RNF4: variants seen among roughly 807,000 people sequenced by gnomAD.
The protein encoded by RNF4 is E3 ubiquitin-protein ligase RNF4.
RNF4 carries 7 observed loss-of-function variants against 24.3 expected under a neutral mutation model. That is an observed-to-expected ratio of 0.29 (90% confidence interval 0.16 to 0.54). RNF4 has a LOEUF of 0.54. RNF4 is among the 20% of genes least tolerant of loss of function. RNF4 has a pLI of 0.95. For missense variants in RNF4, 209 were observed against 248.5 expected (o/e 0.84, Z 1.07); for synonymous variants, 83 against 84.3 (o/e 0.98, Z 0.09).
intron 1 of RNF4, among the ~76,000 whole-genome samples, chr4:2,484,374 C>CAGTCT (rs1026052813): frequency 2.6e-5 from 4 of 151,922 alleles, no homozygotes; most frequent in African/African-American, 4.8e-5. Flanking sequence ...AATTTGGTTC[C>CAGTCT]AGTCTAACAC....
rs1436130593 is a variant in RNF4 at position 2,511,956 on chromosome 4, A to G, written c.205A>G (p.Ile69Val). The change falls in exon 5 of 8, where the codon ATT becomes GTT. Residue 69 changes from isoleucine to valine, a missense_variant and splice_region_variant. Ile to Val is a conservative substitution (Grantham distance 29). Transcript: ENST00000314289. ...TTGTTTTTCTCCTTCTGTTTACAAG[A>G]TTGTTGACGGTGAGTGGTTTCGTTT... ...VDLTHNDSVV[I>V]VDERRRPRRN... 7 of 1,606,824 alleles carry G rather than the reference A, an allele frequency of 4.4e-6. No individual in the cohort carries two copies. Among genetic ancestry groups the G allele is most frequent in the Non-Finnish European group, 5.9e-6 (7 of 1,176,638 alleles).
chr4:2,497,233 C>A, intron 3 of RNF4, 112 bp downstream of exon 3: 1 of 671,004 alleles, frequency 1.5e-6, no homozygotes. Context: ...CCTATGCAGT[C>A]TCACACTCAC....
intron 3 of RNF4, among the ~76,000 whole-genome samples, chr4:2,500,256 C>T (rs909760210): frequency 6.6e-6 from 1 of 151,968 alleles, no homozygotes; most frequent in African/African-American, 2.4e-5. Flanking sequence ...GAGTGGTCAG[C>T]TTCACCTGCT....
intron 2 of RNF4, among the ~76,000 whole-genome samples, chr4:2,495,458 A>G (rs1200110286): frequency 6.6e-6 from 1 of 152,142 alleles, no homozygotes. Flanking sequence ...ACATGATCTC[A>G]TTTAGACCTT....
chr4:2,511,690 G>A (rs1244498101), intron 4 of RNF4, among the ~76,000 whole-genome samples: 2 of 152,146 alleles, frequency 1.3e-5, no homozygotes, highest in Non-Finnish European at 2.9e-5. Flanking sequence ...CTGTGGCTGT[G>A]TTCACGCTCC....
intron 3 of RNF4, 63 bp downstream of exon 3, chr4:2,497,184 G>A (rs777682703): frequency 1.0e-5 from 13 of 1,284,646 alleles, no homozygotes; most frequent in African/African-American, 3.0e-5. Flanking sequence ...ACTGTACCAG[G>A]GTGAGCTAGT....
At chr4:2,493,304 G>A (rs547989135) in intron 2 of RNF4, among the ~76,000 whole-genome samples, 1 of 151,996 alleles carries the variant, frequency 6.6e-6, no homozygotes, top group Non-Finnish European at 1.5e-5. Context: ...TGGAGGGGTC[G>A]ATAGAGCAGG....
intron 4 of RNF4, among the ~76,000 whole-genome samples, chr4:2,510,093 G>C (rs1736229467): frequency 6.6e-6 from 1 of 152,178 alleles, no homozygotes; most frequent in East Asian, 1.9e-4. Context: ...TAAGAGGAAA[G>C]GGGAGCACGT....
intron 3 of RNF4, among the ~76,000 whole-genome samples, chr4:2,498,802 G>A (rs919469344): frequency 7.2e-5 from 11 of 152,186 alleles, no homozygotes; most frequent in Admixed American, 6.5e-4. Flanking sequence ...GAGGTAGGAG[G>A]ATCACTTGAG....
In RNF4 at chr4:2,493,794, C is replaced by T. The variant is rs576807792; in HGVS notation, c.10-3213C>T. On this transcript the variant is annotated intron_variant, in intron 2 of 7. Transcript: ENST00000314289. ...TTGGCTACAAGGGAAGGAGCCTATA[C>T]GAGGACAAAGGACATTGTCAAAGAG... 2.3e-3 allele frequency among the ~76,000 whole-genome samples: 344 copies of T among 146,562 alleles called. 2 individuals are homozygous for T. Among genetic ancestry groups the T allele is most frequent in the African/African-American group, 6.4e-3 (254 of 39,882 alleles).
chr4:2,492,837 G>T (rs1301200571), intron 2 of RNF4, among the ~76,000 whole-genome samples: 1 of 152,194 alleles, frequency 6.6e-6, no homozygotes, highest in Non-Finnish European at 1.5e-5. Flanking sequence ...GGGGAAATAG[G>T]TGCTTTAAGC....
intron 7 of RNF4, 122 bp from the exon 8 acceptor site, chr4:2,513,548 T>A: frequency 8.6e-7 from 1 of 1,167,348 alleles, no homozygotes; most frequent in Non-Finnish European, 1.2e-6. Context: ...CTCCCTGTTG[T>A]AGCCTGGCCC....
intron 4 of RNF4, among the ~76,000 whole-genome samples, chr4:2,506,860 G>A (rs76090282): frequency 4.6e-5 from 7 of 152,296 alleles, no homozygotes; most frequent in African/African-American, 1.7e-4. Flanking sequence ...GTGAGCCACT[G>A]AGCCTGACCT....
Position 2,477,993 on chromosome 4 carries a change from A to T in RNF4, c.-158+8735A>T, listed in dbSNP as rs151177981. ...TTGAATGGCTTTGACCAAAATGTTG[A>T]TAAGGATATGGACAATGAAATCCAG... is the stretch of plus-strand genomic sequence containing the variant. On this transcript the variant is annotated intron_variant, in intron 1 of 7. Coordinates refer to ENST00000314289, the MANE Select transcript of RNF4 (RefSeq NM_002938.5). Among the ~76,000 whole-genome samples, 113 of 152,342 alleles carry T rather than the reference A, an allele frequency of 7.4e-4. No individual in the cohort carries two copies. In the East Asian group the frequency reaches 0.017, roughly 22 times the overall value.
chr4:2,504,400 T>G (rs1049458569), intron 4 of RNF4, among the ~76,000 whole-genome samples: 1 of 152,232 alleles, frequency 6.6e-6, no homozygotes, highest in Non-Finnish European at 1.5e-5. Context: ...TTCTGATGCT[T>G]GTCCAGTGGT....
At chr4:2,477,301 T>G (rs1235524924) in intron 1 of RNF4, among the ~76,000 whole-genome samples, 1 of 152,048 alleles carries the variant, frequency 6.6e-6, no homozygotes, top group East Asian at 1.9e-4. Context: ...GATCTGATGC[T>G]TTAGGTCGGG....
chr4:2,496,495 C>T (rs1451593405), intron 2 of RNF4, among the ~76,000 whole-genome samples: 2 of 152,130 alleles, frequency 1.3e-5, no homozygotes, highest in African/African-American at 4.8e-5. Flanking sequence ...GAGTCTCACA[C>T]TGTCACCCGG....
At chr4:2,471,834 A>G (rs1734917964) in intron 1 of RNF4, among the ~76,000 whole-genome samples, 2 of 152,228 alleles carry the variant, frequency 1.3e-5, no homozygotes, top group Non-Finnish European at 2.9e-5. Context: ...GCTGCAGAAG[A>G]AAAGTTTGAA....
At chr4:2,502,575 G>A (rs1465189336) in intron 4 of RNF4, among the ~76,000 whole-genome samples, 2 of 151,822 alleles carry the variant, frequency 1.3e-5, no homozygotes, top group Non-Finnish European at 2.9e-5. Flanking sequence ...AGGAGGCTAA[G>A]GCAGGAGAAT....
Sources: gnomAD v4.1 joint callset for allele counts (sites outside exome capture counted in the v4.1 genomes callset) on GRCh38, gnomAD v4.1.1 for gene constraint, MANE v1.5 for transcripts, NCBI Gene and HGNC (gene_info 2026-07-23, HGNC 2026-07-21) for gene names.